Variants in ADAMTS3 observed in about 807,000 individuals in gnomAD.
The protein encoded by ADAMTS3 is A disintegrin and metalloproteinase with thrombospondin motifs 3.
In ADAMTS3, 73 loss-of-function variants were observed where a neutral mutation model predicts 129.0. The observed-to-expected ratio is 0.57, with a 90% CI of 0.47 to 0.69. The LOEUF (loss-of-function observed/expected upper bound fraction) is 0.69, where lower values mean the gene tolerates loss of function less well. ADAMTS3 is among the 30% of genes least tolerant of loss of function. The pLI, the probability that ADAMTS3 is intolerant of heterozygous loss-of-function variation, is 0.00. For missense variants in ADAMTS3, 1,457 were observed against 1,514.5 expected (o/e 0.96, Z 0.63); for synonymous variants, 477 against 510.8 (o/e 0.93, Z 0.89).
intron 3 of ADAMTS3, among the ~76,000 whole-genome samples, chr4:72,470,452 C>G (rs1719042709): frequency 6.7e-6 from 1 of 150,158 alleles, no homozygotes; most frequent in Admixed American, 6.7e-5. Flanking sequence ...TATATATACA[C>G]TCATAATATA....
chr4:72,473,045 T>A (rs1719121835), intron 3 of ADAMTS3, among the ~76,000 whole-genome samples: 1 of 152,108 alleles, frequency 6.6e-6, no homozygotes, highest in Admixed American at 6.5e-5. Context: ...AAATAAAAAA[T>A]TAATATTAAC....
intron 3 of ADAMTS3, among the ~76,000 whole-genome samples, chr4:72,523,402 G>A (rs1000503083): frequency 6.6e-6 from 1 of 151,922 alleles, no homozygotes; most frequent in South Asian, 2.1e-4. Flanking sequence ...TATATTTGAT[G>A]GGCATTCTAT....
intron 3 of ADAMTS3, among the ~76,000 whole-genome samples, chr4:72,520,543 T>C (rs1321121784): frequency 6.6e-6 from 1 of 152,230 alleles, no homozygotes; most frequent in Non-Finnish European, 1.5e-5. Context: ...GCCTGGGCAA[T>C]GGCGGGCGCC....
intron 5 of ADAMTS3, among the ~76,000 whole-genome samples, chr4:72,325,705 A>T (rs1406861193): frequency 6.6e-6 from 1 of 152,208 alleles, no homozygotes; most frequent in East Asian, 1.9e-4. Context: ...AGTAAGGAAG[A>T]GTAGGAGGCA....
At chr4:72,351,672 A>G (rs1352139512) in intron 4 of ADAMTS3, among the ~76,000 whole-genome samples, 1 of 151,848 alleles carries the variant, frequency 6.6e-6, no homozygotes, top group African/African-American at 2.4e-5. Flanking sequence ...GTCTTCCAAG[A>G]GTAGCAAAGA....
intron 3 of ADAMTS3, among the ~76,000 whole-genome samples, chr4:72,478,466 G>A (rs1319518672): frequency 1.3e-5 from 2 of 149,394 alleles, no homozygotes; most frequent in African/African-American, 4.9e-5. Flanking sequence ...AATAGATGCA[G>A]AAAAGGCCTT....
chr4:72,327,636 A>G (rs1030871630), intron 5 of ADAMTS3, among the ~76,000 whole-genome samples: 1 of 152,180 alleles, frequency 6.6e-6, no homozygotes, highest in African/African-American at 2.4e-5. Context: ...AGGGATGAAA[A>G]TTAGCAGTCT....
chr4:72,380,324 G>A (rs1721254374), intron 4 of ADAMTS3, among the ~76,000 whole-genome samples: 1 of 152,100 alleles, frequency 6.6e-6, no homozygotes, highest in African/African-American at 2.4e-5. Context: ...ATTGAGCCAT[G>A]CACAGAAAGT....
chr4:72,484,057 G>A (rs1040606522), intron 3 of ADAMTS3, among the ~76,000 whole-genome samples: 8 of 151,930 alleles, frequency 5.3e-5, no homozygotes, highest in African/African-American at 1.9e-4. Context: ...GCATTTGTTT[G>A]TTCTATTTAT....
chr4:72,364,213 C>T (rs554082594), intron 4 of ADAMTS3, among the ~76,000 whole-genome samples: 11 of 152,140 alleles, frequency 7.2e-5, no homozygotes, highest in African/African-American at 2.2e-4. Context: ...TGTACACACA[C>T]GCACAAACAC....
intron 13 of ADAMTS3, among the ~76,000 whole-genome samples, chr4:72,311,855 T>G (rs995010559): frequency 6.6e-6 from 1 of 152,132 alleles, no homozygotes; most frequent in South Asian, 2.1e-4. Flanking sequence ...TAAACTATAG[T>G]AAAAAAGTAA....
chr4:72,543,388 A>G (rs1237049813), intron 3 of ADAMTS3, among the ~76,000 whole-genome samples: 1 of 152,188 alleles, frequency 6.6e-6, no homozygotes, highest in Non-Finnish European at 1.5e-5. Flanking sequence ...AACTGAACAC[A>G]CAGTCTTGAA....
intron 4 of ADAMTS3, among the ~76,000 whole-genome samples, chr4:72,358,949 C>T (rs1359586481): frequency 6.6e-6 from 1 of 151,676 alleles, no homozygotes; most frequent in Admixed American, 6.6e-5. Context: ...GAGTGAAAGG[C>T]AGAGAGGTAT....
At chr4:72,525,979 G>A (rs933970172) in intron 3 of ADAMTS3, among the ~76,000 whole-genome samples, 2 of 152,068 alleles carry the variant, frequency 1.3e-5, no homozygotes. Flanking sequence ...GGTAGAGAGG[G>A]GCCAATGAGG....
intron 4 of ADAMTS3, among the ~76,000 whole-genome samples, chr4:72,396,068 A>C (rs1457519771): frequency 1.3e-5 from 2 of 152,168 alleles, no homozygotes; most frequent in Non-Finnish European, 2.9e-5. Flanking sequence ...CAACTGGATA[A>C]GGGTTGTGAA....
At chr4:72,472,212 C>T (rs141306697) in intron 3 of ADAMTS3, among the ~76,000 whole-genome samples, 64 of 152,154 alleles carry the variant, frequency 4.2e-4, no homozygotes, top group Middle Eastern at 3.4e-3. Context: ...TCCACTACAT[C>T]GCTTATATTT....
intron 3 of ADAMTS3, among the ~76,000 whole-genome samples, chr4:72,421,207 C>G (rs1051309408): frequency 1.3e-5 from 2 of 152,226 alleles, no homozygotes; most frequent in Non-Finnish European, 2.9e-5. Context: ...TCTTTCTGCT[C>G]TAGCCACATG....
At chr4:72,322,513 C>T (rs1719582686) in intron 6 of ADAMTS3, among the ~76,000 whole-genome samples, 1 of 152,078 alleles carries the variant, frequency 6.6e-6, no homozygotes, top group Non-Finnish European at 1.5e-5. Context: ...CACTCTGCAC[C>T]TTCCTCTTAA....
chr4:72,300,704 C>A (rs769888862), intron 17 of ADAMTS3, among the ~76,000 whole-genome samples: 2 of 152,096 alleles, frequency 1.3e-5, no homozygotes, highest in African/African-American at 4.8e-5. Flanking sequence ...AATTCCGTCT[C>A]GGTTTCACTG....
Sources: gnomAD v4.1 joint callset for allele counts (sites outside exome capture counted in the v4.1 genomes callset) on GRCh38, gnomAD v4.1.1 for gene constraint, MANE v1.5 for transcripts, NCBI Gene and HGNC (gene_info 2026-07-23, HGNC 2026-07-21) for gene names.